The following ITGBL1 variants were observed in gnomAD, a reference collection of about 807,000 sequenced individuals.
The protein encoded by ITGBL1 is integrin beta-like protein 1.
ITGBL1 carries 51 observed loss-of-function variants against 68.5 expected under a neutral mutation model. That is an observed-to-expected ratio of 0.74 (90% CI 0.59 to 0.94). The LOEUF is 0.94. Ranked by LOEUF, ITGBL1 falls within the 40% of genes least tolerant of loss-of-function variation. ITGBL1 has a pLI of 0.00. For missense variants in ITGBL1, 649 were observed against 647.4 expected (o/e 1.00, Z -0.03); for synonymous variants, 209 against 227.3 (o/e 0.92, Z 0.72).
intron 7 of ITGBL1, among the ~76,000 whole-genome samples, chr13:101,643,782 G>A (rs2032468793): frequency 6.6e-6 from 1 of 152,096 alleles, no homozygotes; most frequent in Non-Finnish European, 1.5e-5. Context: ...CCCCTCACCT[G>A]AGTTCTTATA....
intron 2 of ITGBL1, among the ~76,000 whole-genome samples, chr13:101,567,421 A>C (rs1192775665): frequency 6.6e-6 from 1 of 151,930 alleles, no homozygotes; most frequent in African/African-American, 2.4e-5. Flanking sequence ...TCAGTGCTGA[A>C]TTTTCTGACC....
chr13:101,588,157 A>T (rs1043095264), intron 6 of ITGBL1, among the ~76,000 whole-genome samples: 14 of 152,262 alleles, frequency 9.2e-5, no homozygotes, highest in African/African-American at 3.4e-4. Context: ...AACCTTAATA[A>T]TTCCTGCCTT....
intron 7 of ITGBL1, among the ~76,000 whole-genome samples, chr13:101,642,257 A>G (rs1235412427): frequency 1.3e-5 from 2 of 152,036 alleles, no homozygotes; most frequent in Non-Finnish European, 1.5e-5. Flanking sequence ...TTGCCATTCT[A>G]ACTGGTGTGA....
intron 2 of ITGBL1, among the ~76,000 whole-genome samples, chr13:101,528,278 T>A (rs1319167043): frequency 1.3e-5 from 2 of 149,076 alleles, no homozygotes; most frequent in African/African-American, 5.1e-5. Flanking sequence ...TTTATAATAT[T>A]GTCTTATTGC....
intron 7 of ITGBL1, among the ~76,000 whole-genome samples, chr13:101,689,339 G>C (rs1336375672): frequency 6.6e-6 from 1 of 151,958 alleles, no homozygotes; most frequent in Non-Finnish European, 1.5e-5. Flanking sequence ...CTTGGACCTT[G>C]AAGAATGATT....
intron 7 of ITGBL1, among the ~76,000 whole-genome samples, chr13:101,667,197 T>A (rs1423393190): frequency 3.3e-5 from 5 of 152,180 alleles, no homozygotes; most frequent in African/African-American, 4.8e-5. Context: ...GTATGGCCAT[T>A]ATGGAGATTG....
chr13:101,646,083 G>A (rs1357177813), intron 7 of ITGBL1, among the ~76,000 whole-genome samples: 1 of 152,204 alleles, frequency 6.6e-6, no homozygotes, highest in East Asian at 1.9e-4. Context: ...CTGCTGGACA[G>A]TATCCACCTT....
At chr13:101,492,618 C>T (rs1439668119) in intron 2 of ITGBL1, among the ~76,000 whole-genome samples, 1 of 152,176 alleles carries the variant, frequency 6.6e-6, no homozygotes, top group African/African-American at 2.4e-5. Flanking sequence ...TTCTCTGTTC[C>T]CTCTTTCCTT....
At chr13:101,550,290 TTA>T (rs1286442904) in intron 2 of ITGBL1, among the ~76,000 whole-genome samples, 1 of 152,074 alleles carries the variant, frequency 6.6e-6, no homozygotes, top group African/African-American at 2.4e-5. Context: ...AAGAGTATAT[TTA>T]TAGCATAATA....
chr13:101,683,420 T>C (rs1413457317), intron 7 of ITGBL1, among the ~76,000 whole-genome samples: 1 of 152,070 alleles, frequency 6.6e-6, no homozygotes, highest in Non-Finnish European at 1.5e-5. Flanking sequence ...ATTCTTTCTT[T>C]TAATTGCTAT....
chr13:101,474,127 T>A (rs1439461481), intron 2 of ITGBL1, among the ~76,000 whole-genome samples: 2 of 152,114 alleles, frequency 1.3e-5, no homozygotes, highest in Non-Finnish European at 2.9e-5. Flanking sequence ...GGTTAGAGGA[T>A]CAAGTGAATC....
At chr13:101,717,552 C>G (rs1056344174), downstream of ITGBL1, 1 of 152,142 alleles carries the variant, frequency 6.6e-6, no homozygotes, top group Non-Finnish European at 1.5e-5. Context: ...ATTACATTAT[C>G]TAGCCATCGT....
intron 7 of ITGBL1, among the ~76,000 whole-genome samples, chr13:101,628,411 ATTTCT>A (rs1303234320): frequency 1.3e-4 from 19 of 148,946 alleles, no homozygotes; most frequent in African/African-American, 3.2e-4. Context: ...TTCTCTTGAT[ATTTCT>A]TTTCTTTTCT....
intron 2 of ITGBL1, among the ~76,000 whole-genome samples, chr13:101,467,965 T>C (rs970467086): frequency 2.0e-5 from 3 of 152,160 alleles, no homozygotes; most frequent in African/African-American, 7.2e-5. Context: ...ATTCATGACT[T>C]AGTCAATGGG....
chr13:101,503,549 G>T (rs1366284003), intron 2 of ITGBL1, among the ~76,000 whole-genome samples: 3 of 152,144 alleles, frequency 2.0e-5, no homozygotes, highest in Admixed American at 2.0e-4. Context: ...TTTGTTCATG[G>T]TTATTAGAGA....
intron 8 of ITGBL1, among the ~76,000 whole-genome samples, chr13:101,704,483 G>GCAAA (rs2034208864): frequency 5.0e-5 from 1 of 20,032 alleles, no homozygotes; most frequent in Non-Finnish European, 8.1e-5. Context: ...TATTCATTCA[G>GCAAA]TAAAAAAAAA....
chr13:101,563,460 A>G (rs1180416466), intron 2 of ITGBL1, among the ~76,000 whole-genome samples: 1 of 151,880 alleles, frequency 6.6e-6, no homozygotes, highest in African/African-American at 2.4e-5. Context: ...GCATGAAATA[A>G]CATACATAAT....
intron 4 of ITGBL1, among the ~76,000 whole-genome samples, chr13:101,576,734 C>T (rs118093297): frequency 0.018 from 2,716 of 152,230 alleles, 26 homozygotes; most frequent in Middle Eastern, 0.034. Flanking sequence ...CTGATTGGCC[C>T]TCCCTCCTTG....
intron 2 of ITGBL1, among the ~76,000 whole-genome samples, chr13:101,501,774 G>A (rs1181842906): frequency 6.6e-6 from 1 of 152,080 alleles, no homozygotes; most frequent in Admixed American, 6.5e-5. Context: ...TTCCCATAAG[G>A]TCAGCACATC....
Sources: gnomAD v4.1 joint callset for allele counts (sites outside exome capture counted in the v4.1 genomes callset) on GRCh38, gnomAD v4.1.1 for gene constraint, MANE v1.5 for transcripts, NCBI Gene and HGNC (gene_info 2026-07-23, HGNC 2026-07-21) for gene names.